The following DAB1 variants were observed in gnomAD, a reference collection of about 807,000 sequenced individuals.
The protein encoded by DAB1 is DAB adaptor protein 1.
DAB1 carries 15 observed loss-of-function variants against 64.6 expected under a neutral mutation model. The ratio of observed to expected loss-of-function variants is 0.23; its 90% CI spans 0.16 to 0.36. The LOEUF (loss-of-function observed/expected upper bound fraction) is 0.36. Among genes scored for constraint, DAB1 ranks in the 10% least tolerant of loss-of-function variants. DAB1 has a pLI of 1.00. For missense variants in DAB1, 596 were observed against 706.7 expected, an observed-to-expected ratio of 0.84 and a Z score of 1.78; for synonymous variants, 235 against 251.9, an observed-to-expected ratio of 0.93 and a Z score of 0.64.
chr1:58,129,551 C>T (rs199974841), intron 5 of DAB1, among the ~76,000 whole-genome samples: 17 of 119,554 alleles, frequency 1.4e-4, no homozygotes, highest in African/African-American at 1.8e-4. Context: ...TGTGATGTTA[C>T]GGTGTCAATT....
chr1:58,184,660 C>A (rs1419986986), intron 4 of DAB1, among the ~76,000 whole-genome samples: 1 of 152,108 alleles, frequency 6.6e-6, no homozygotes, highest in East Asian at 1.9e-4. Context: ...AACATGAATT[C>A]TAAGAAATCA....
chr1:58,538,700 A>C (rs1646556601), intron 1 of DAB1: 1 of 584,366 alleles, frequency 1.7e-6, no homozygotes, highest in Admixed American at 3.1e-5. Context: ...CAGTTTTATA[A>C]ATAAAAAAAT....
At chr1:58,472,823 T>C (rs1344814658) in intron 3 of DAB1, among the ~76,000 whole-genome samples, 1 of 152,314 alleles carries the variant, frequency 6.6e-6, no homozygotes, top group East Asian at 1.9e-4. Flanking sequence ...AAAGAAGAGA[T>C]CCTGCTCTCA....
chr1:57,845,636 G>A (rs949409319), intron 1 of DAB1, among the ~76,000 whole-genome samples: 2 of 152,114 alleles, frequency 1.3e-5, no homozygotes, highest in African/African-American at 4.8e-5. Context: ...AAAAGTACAC[G>A]ACATTAAAGA....
chr1:58,140,885 C>T (rs1444039336), intron 5 of DAB1, among the ~76,000 whole-genome samples: 2 of 152,146 alleles, frequency 1.3e-5, no homozygotes, highest in African/African-American at 4.8e-5. Context: ...TAAGAACCAG[C>T]AGAGGATGAG....
At chr1:57,695,384 GAAAGA>G (rs1377063876) in intron 6 of DAB1, among the ~76,000 whole-genome samples, 67 of 75,124 alleles carry the variant, frequency 8.9e-4, no homozygotes, top group Admixed American at 1.1e-3. Context: ...AAGAAAGAAA[GAAAGA>G]AAGAAAGAAA....
intron 6 of DAB1, among the ~76,000 whole-genome samples, chr1:57,805,853 T>C (rs1651337100): frequency 6.6e-6 from 1 of 152,190 alleles, no homozygotes; most frequent in Non-Finnish European, 1.5e-5. Flanking sequence ...ACCCAGAATC[T>C]GACCATTTCT....
chr1:57,567,267 G>C (rs1362200519), intron 7 of DAB1, among the ~76,000 whole-genome samples: 2 of 152,100 alleles, frequency 1.3e-5, no homozygotes, highest in South Asian at 4.1e-4. Flanking sequence ...GGTATTGATG[G>C]GATGTATCTC....
intron 5 of DAB1, chr1:58,048,709 C>T: frequency 7.6e-7 from 1 of 1,323,080 alleles, no homozygotes; most frequent in Non-Finnish European, 1.1e-6. Flanking sequence ...AACCACTTCA[C>T]CTCTTTGGCT....
chr1:58,239,331 G>A (rs1298039822), intron 4 of DAB1, among the ~76,000 whole-genome samples: 1 of 152,100 alleles, frequency 6.6e-6, no homozygotes, highest in Non-Finnish European at 1.5e-5. Context: ...TAAGATGCAC[G>A]TTTTCATGTT....
chr1:57,689,577 A>C (rs1646739496), intron 6 of DAB1, among the ~76,000 whole-genome samples: 1 of 152,162 alleles, frequency 6.6e-6, no homozygotes, highest in Non-Finnish European at 1.5e-5. Context: ...TGCTGTGCTC[A>C]TCGTTACCTA....
chr1:58,240,241 C>T (rs1316792027), intron 4 of DAB1, among the ~76,000 whole-genome samples: 1 of 152,142 alleles, frequency 6.6e-6, no homozygotes, highest in Non-Finnish European at 1.5e-5. Context: ...TAGAAGTGGC[C>T]AGTTGACTGG....
chr1:57,506,714 A>T (rs537508582), intron 7 of DAB1, among the ~76,000 whole-genome samples: 1 of 152,194 alleles, frequency 6.6e-6, no homozygotes, highest in South Asian at 2.1e-4. Context: ...TCAAACCAAC[A>T]GGCTCCATGC....
chr1:57,029,869 ACTTGT>A (rs911147045), intron 9 of DAB1, among the ~76,000 whole-genome samples: 15 of 152,184 alleles, frequency 9.9e-5, no homozygotes, highest in African/African-American at 3.6e-4. Context: ...GGCAGAAGGG[ACTTGT>A]CTTGTCTCAG....
chr1:58,404,008 T>G (rs1490525909), intron 3 of DAB1, among the ~76,000 whole-genome samples: 1 of 152,204 alleles, frequency 6.6e-6, no homozygotes, highest in Non-Finnish European at 1.5e-5. Flanking sequence ...AAGGAACATT[T>G]GTAGGTTTAT....
intron 2 of DAB1, among the ~76,000 whole-genome samples, chr1:57,230,309 A>G (rs375346264): frequency 2.1e-5 from 3 of 139,922 alleles, no homozygotes; most frequent in Non-Finnish European, 4.7e-5. Context: ...TACAACTACC[A>G]CCCCTTCAGA....
chr1:57,399,545 T>C (rs957992239), intron 1 of DAB1, among the ~76,000 whole-genome samples: 1 of 152,198 alleles, frequency 6.6e-6, no homozygotes, highest in African/African-American at 2.4e-5. Flanking sequence ...AGAATCCCAG[T>C]AATCTGGAGA....
At chr1:57,830,983 G>A (rs766075722) in intron 1 of DAB1, among the ~76,000 whole-genome samples, 16 of 151,972 alleles carry the variant, frequency 1.1e-4, no homozygotes, top group Non-Finnish European at 2.1e-4. Flanking sequence ...GTGCAATCTC[G>A]GCTCACTGCA....
chr1:57,028,214 C>T (rs1335754737), intron 9 of DAB1, among the ~76,000 whole-genome samples: 4 of 152,126 alleles, frequency 2.6e-5, no homozygotes, highest in Admixed American at 6.5e-5. Context: ...ATTCTGTTCT[C>T]ATGATAGTGA....
Sources: gnomAD v4.1 joint callset for allele counts (sites outside exome capture counted in the v4.1 genomes callset) on GRCh38, gnomAD v4.1.1 for gene constraint, MANE v1.5 for transcripts, NCBI Gene and HGNC (gene_info 2026-07-23, HGNC 2026-07-21) for gene names.